The following SUMF1 variants were observed in gnomAD, a reference collection of about 807,000 sequenced individuals.
The protein encoded by SUMF1 is formylglycine-generating enzyme.
A neutral mutation model predicts 47.6 loss-of-function variants in SUMF1; 48 were observed. The observed-to-expected ratio is 1.01, with a 90% confidence interval of 0.80 to 1.28. The LOEUF is 1.28. SUMF1 is among the 50% of genes most tolerant of loss of function. The pLI, the probability that SUMF1 is intolerant of heterozygous loss-of-function variation, is 0.00. For synonymous variants in SUMF1, 230 were observed against 192.1 expected, an observed-to-expected ratio of 1.20 and a Z score of -1.63; for missense variants, 571 against 485.4, an observed-to-expected ratio of 1.18 and a Z score of -1.66.
chr3:4,154,616 C>T lies in SUMF1; in HGVS notation c.1015-85871G>A, dbSNP rs190088257. Among the ~76,000 whole-genome samples the T allele has an allele frequency of 1.7e-4, 25 of 151,236 alleles. No homozygotes were observed. In the East Asian group the frequency reaches 4.5e-3, roughly 27 times the overall value. ...GTAACTGAAACAGAATTCAACCTCTCGTTGATCTGTCCCCCAAACCTGGGC... is the reference window on the plus strand; with the variant it reads ...GTAACTGAAACAGAATTCAACCTCTTGTTGATCTGTCCCCCAAACCTGGGC... On this transcript the variant is annotated intron_variant and NMD_transcript_variant, in intron 8 of 12. Coordinates refer to the SUMF1 transcript ENST00000448413.
At chr3:4,227,365 C>A (rs890617925) in intron 8 of SUMF1, among the ~76,000 whole-genome samples, 1 of 136,152 alleles carries the variant, frequency 7.3e-6, no homozygotes, top group African/African-American at 2.6e-5. Context: ...AATGAACACA[C>A]AAAATACACT....
At chr3:4,453,176 A>C (rs1023976675) in intron 1 of SUMF1, 127 bp from the exon 2 acceptor site, 61 of 952,852 alleles carry the variant, frequency 6.4e-5, no homozygotes, top group Non-Finnish European at 9.2e-5. Flanking sequence ...TAACTGTAAA[A>C]TTCGGAAAAA....
chr3:4,316,716 G>T, intron 8 of SUMF1: 4 of 1,550,960 alleles, frequency 2.6e-6, no homozygotes, highest in Non-Finnish European at 3.5e-6. Context: ...GCGACGATCA[G>T]CTCAGTGGTT....
At chr3:4,456,105 G>A (rs1703152088) in intron 1 of SUMF1, among the ~76,000 whole-genome samples, 1 of 152,152 alleles carries the variant, frequency 6.6e-6, no homozygotes, top group Non-Finnish European at 1.5e-5. Flanking sequence ...CATGTTAGCA[G>A]AATGAAGGAC....
intron 8 of SUMF1, among the ~76,000 whole-genome samples, chr3:4,224,354 T>G (rs1057381140): frequency 2.7e-4 from 41 of 152,094 alleles, no homozygotes; most frequent in African/African-American, 9.7e-4. Context: ...GAGTAACTGT[T>G]TTTTATTGAA....
At chr3:4,423,791 G>A (rs76433406) in intron 3 of SUMF1, among the ~76,000 whole-genome samples, 2,296 of 152,204 alleles carry the variant, frequency 0.015, 68 homozygotes, top group African/African-American at 0.052. Flanking sequence ...TGCTTGGGCC[G>A]TCCCCTTGGT....
intron 8 of SUMF1, among the ~76,000 whole-genome samples, chr3:4,333,338 C>T (rs763664606): frequency 1.1e-4 from 16 of 152,220 alleles, no homozygotes; most frequent in African/African-American, 2.9e-4. Context: ...CTTCGAGCAG[C>T]GGTGGTGACC....
In SUMF1 at chr3:4,102,251, CAGG is replaced by C. The variant is rs372985739; in HGVS notation, c.1015-33509_1015-33507del. Among the ~76,000 whole-genome samples, 105 of 152,164 alleles carry C rather than the reference CAGG, an allele frequency of 6.9e-4. 3 individuals carry two copies. The highest frequency in any genetic ancestry group is 2.3e-3 in the African/African-American group (97 of 41,498). ...ATACAAAGACCTGATTCTGAAAGACCAGGAGGTTGTAAGAGATATCAATAAGCA... is the reference window on the plus strand; with the variant it reads ...ATACAAAGACCTGATTCTGAAAGACCAGGTTGTAAGAGATATCAATAAGCA... On this transcript the variant is annotated intron_variant and NMD_transcript_variant, in intron 8 of 12. Coordinates refer to the SUMF1 transcript ENST00000448413.
intron 8 of SUMF1, among the ~76,000 whole-genome samples, chr3:4,338,290 A>T (rs948893439): frequency 6.6e-6 from 1 of 152,166 alleles, no homozygotes; most frequent in Non-Finnish European, 1.5e-5. Context: ...AAAAAGAAAA[A>T]AAAAAAAGAT....
At chr3:4,357,309 G>A (rs978302314), downstream of SUMF1, among the ~76,000 whole-genome samples, 1 of 128,402 alleles carries the variant, frequency 7.8e-6, no homozygotes, top group African/African-American at 3.8e-5. Context: ...CTATGTTTAC[G>A]GTGGTTTTTT....
intron 8 of SUMF1, among the ~76,000 whole-genome samples, chr3:4,180,412 G>T (rs933335976): frequency 6.6e-6 from 1 of 152,026 alleles, no homozygotes; most frequent in Non-Finnish European, 1.5e-5. Context: ...AATGAAACTG[G>T]AAACCATCAT....
chr3:4,364,594 G>T (rs1176928209), intron 8 of SUMF1, among the ~76,000 whole-genome samples: 1 of 151,162 alleles, frequency 6.6e-6, no homozygotes, highest in Non-Finnish European at 1.5e-5. Flanking sequence ...TTTTTATTGG[G>T]TCTATTTGAT....
intron 7 of SUMF1, among the ~76,000 whole-genome samples, chr3:4,400,023 G>A (rs192570831): frequency 2.6e-4 from 40 of 152,314 alleles, no homozygotes; most frequent in Non-Finnish European, 4.4e-5. Flanking sequence ...ACAGGCGTGA[G>A]CCACTGCACC....
chr3:4,119,713 AACACACAC>A (rs144771849), intron 8 of SUMF1, among the ~76,000 whole-genome samples: 1 of 149,020 alleles, frequency 6.7e-6, no homozygotes, highest in African/African-American at 2.5e-5. Context: ...CACATACACA[AACACACAC>A]ACACACACAC....
At chr3:4,450,494 T>A (rs1575238494) in intron 2 of SUMF1, among the ~76,000 whole-genome samples, 1 of 152,182 alleles carries the variant, frequency 6.6e-6, no homozygotes, top group Non-Finnish European at 1.5e-5. Flanking sequence ...GACACTGCCA[T>A]GACTAACTAC....
chr3:4,194,873 G>A lies in SUMF1; in HGVS notation c.1015-126128C>T, dbSNP rs191060791. Among the ~76,000 whole-genome samples, 154 of 152,126 alleles carry A rather than the reference G, an allele frequency of 1.0e-3. 1 individual carries two copies. The highest frequency in any genetic ancestry group is 3.1e-3 in the African/African-American group (129 of 41,516). ...GATGACCCCTTGAAGATAAGCTAGC[G>A]GTAAAATATAAGCTATAGAAAGTAA... On this transcript the variant is annotated intron_variant and NMD_transcript_variant, in intron 8 of 12. Transcript: ENST00000448413.
Position 4,217,514 on chromosome 3 carries a change from T to TATATATATATATATATAAATATATA in SUMF1, c.1015-148770_1015-148769insTATATATTTATATATATATATATAT, listed in dbSNP as rs1553610066. On this transcript the variant is annotated intron_variant and NMD_transcript_variant, in intron 8 of 12. Coordinates refer to the SUMF1 transcript ENST00000448413. ...TGTATCCCAGAACTTAAAGTATTTT[T>TATATATATATATATATAAATATATA]TATATATATATATATATATATATAT... Among the ~76,000 whole-genome samples, 16 of 45,200 alleles carry TATATATATATATATATAAATATATA rather than the reference T, an allele frequency of 3.5e-4. 4 individuals carry two copies. The highest frequency in any genetic ancestry group is 1.3e-3 in the African/African-American group (13 of 9,642). The allele number at this position is 45,200 out of a possible 152,430, so 29.7% of individuals were successfully genotyped here. A position where few individuals can be genotyped will look rare whatever the true frequency, so the allele number is the denominator to read the frequency against.
chr3:4,143,539 CATT>C (rs1196407214), intron 8 of SUMF1, among the ~76,000 whole-genome samples: 2 of 152,062 alleles, frequency 1.3e-5, no homozygotes, highest in East Asian at 1.9e-4. Flanking sequence ...TTTATTTTGA[CATT>C]ATTATTATTT....
intron 8 of SUMF1, among the ~76,000 whole-genome samples, chr3:4,218,975 G>A (rs1196602369): frequency 6.6e-6 from 1 of 151,956 alleles, no homozygotes; most frequent in Non-Finnish European, 1.5e-5. Context: ...CTCAACAGCA[G>A]ATCTCCAAGC....
Sources: gnomAD v4.1 joint callset for allele counts (sites outside exome capture counted in the v4.1 genomes callset) on GRCh38, gnomAD v4.1.1 for gene constraint, MANE v1.5 for transcripts, NCBI Gene and HGNC (gene_info 2026-07-23, HGNC 2026-07-21) for gene names.